The following FBXO25 variants were observed in gnomAD, a reference collection of about 807,000 sequenced individuals.
FBXO25 encodes the protein F-box only protein 25.
FBXO25 carries 45 observed loss-of-function variants against 51.9 expected under a neutral mutation model. The observed-to-expected ratio is 0.87, with a 90% CI of 0.68 to 1.11. The LOEUF is 1.11. FBXO25 is among the 50% of genes most tolerant of loss of function. The pLI is 0.00. For synonymous variants in FBXO25, 199 were observed against 151.0 expected (o/e 1.32, Z -2.33); for missense variants, 507 against 428.5 (o/e 1.18, Z -1.62).
intron 2 of FBXO25, among the ~76,000 whole-genome samples, chr8:416,383 T>A (rs1455111599): frequency 6.6e-6 from 1 of 152,252 alleles, no homozygotes; most frequent in African/African-American, 2.4e-5. Flanking sequence ...GATTTAAAAT[T>A]TTCATCTTCA....
Position 470,606 on chromosome 8 carries a change from T to C in FBXO25, c.*1802T>C, listed in dbSNP as rs1471211633. On this transcript the variant is annotated 3_prime_UTR_variant, in exon 10 of 10. Transcript: ENST00000350302. ...ATGTTGCCCAGGCTGGTCTCAGGAG[T>C]TTGAGCTCAAGCAATCCACCTGCCT... 1 of 151,940 alleles carries C rather than the reference T, an allele frequency of 6.6e-6. No individual in the cohort carries two copies. The highest frequency in any genetic ancestry group is 1.5e-5 in the Non-Finnish European group (1 of 68,050). The allele number at this position is 151,940 out of a possible 1,614,324, so 9.4% of individuals were successfully genotyped here.
chr8:437,250 C>T (rs1798156233), intron 5 of FBXO25, among the ~76,000 whole-genome samples: 1 of 152,178 alleles, frequency 6.6e-6, no homozygotes, highest in Admixed American at 6.5e-5. Flanking sequence ...TTAAAATGTG[C>T]TGTGCACTCA....
At chr8:467,802 C>G in intron 9 of FBXO25, 1 of 1,607,606 alleles carries the variant, frequency 6.2e-7, no homozygotes, top group East Asian at 2.2e-5. Context: ...TTGCATCGTG[C>G]TGCATCTCAT....
intron 5 of FBXO25, among the ~76,000 whole-genome samples, chr8:439,409 C>G (rs184076354): frequency 2.0e-5 from 3 of 152,302 alleles, no homozygotes; most frequent in Admixed American, 6.5e-5. Context: ...CTAAAGTACA[C>G]ACATCTGTAG....
intron 2 of FBXO25, among the ~76,000 whole-genome samples, chr8:430,279 A>G (rs544417679): frequency 3.3e-4 from 51 of 152,362 alleles, no homozygotes; most frequent in African/African-American, 1.1e-3. Context: ...AAATACAAAC[A>G]TCAACACATT....
chr8:473,372 C>G lies in FBXO25; in HGVS notation c.*4568C>G, dbSNP rs1465418277. ...AACGTGGCACCTGCACATGCACCCC[C>G]AGCAGTCCTCTCTAAACTCAGGCAG... On this transcript the variant is annotated 3_prime_UTR_variant, in exon 10 of 10. Transcript: ENST00000350302. 1 of 152,290 alleles carries G rather than the reference C, an allele frequency of 6.6e-6. No individual in the cohort carries two copies. Among genetic ancestry groups the G allele is most frequent in the Non-Finnish European group, 1.5e-5 (1 of 68,120 alleles). 9.4% of individuals were successfully genotyped at this position (152,290 alleles called of 1,614,324 possible).
Position 469,719 on chromosome 8 carries a change from A to C in FBXO25, c.*915A>C, listed in dbSNP as rs1473179426. 1.3e-5 allele frequency: 2 copies of C among 152,216 alleles called. No individual in the cohort carries two copies. Among genetic ancestry groups the C allele is most frequent in the Non-Finnish European group, 2.9e-5 (2 of 68,030 alleles). 9.4% of individuals were successfully genotyped at this position (152,216 alleles called of 1,614,324 possible). On this transcript the variant is annotated 3_prime_UTR_variant, in exon 10 of 10. Coordinates refer to ENST00000350302, the MANE Select transcript of FBXO25 (RefSeq NM_183420.2). ...TCCCACCACCCAAAGATTATTGTGC[A>C]TGCTGAAAAGAGTATGAAAAATCCC...
chr8:428,101 T>C (rs779590545), intron 2 of FBXO25, among the ~76,000 whole-genome samples: 4 of 152,256 alleles, frequency 2.6e-5, no homozygotes, highest in Non-Finnish European at 5.9e-5. Context: ...TTCTTGGCTC[T>C]TGTTTACTTC....
At chr8:463,560 C>T (rs370507016) in intron 9 of FBXO25, among the ~76,000 whole-genome samples, 5 of 152,312 alleles carry the variant, frequency 3.3e-5, no homozygotes, top group Non-Finnish European at 5.9e-5. Flanking sequence ...ATGTCCCCAC[C>T]GACTCTGCAG....
chr8:448,047 A>C (rs1269335403), intron 5 of FBXO25, among the ~76,000 whole-genome samples: 1 of 152,228 alleles, frequency 6.6e-6, no homozygotes, highest in Non-Finnish European at 1.5e-5. Context: ...GAATGAGAAA[A>C]TTAATAAGAA....
At chr8:434,244 A>AG (rs1354971569) in intron 4 of FBXO25, among the ~76,000 whole-genome samples, 1 of 151,908 alleles carries the variant, frequency 6.6e-6, no homozygotes, top group Non-Finnish European at 1.5e-5. Flanking sequence ...ACCGCTTCCG[A>AG]GGTTACATGC....
At chr8:426,056 T>C (rs1797456313) in intron 2 of FBXO25, among the ~76,000 whole-genome samples, 1 of 152,168 alleles carries the variant, frequency 6.6e-6, no homozygotes, top group Non-Finnish European at 1.5e-5. Flanking sequence ...ACACTGGTGG[T>C]TGTTCTTTGT....
intron 1 of FBXO25, among the ~76,000 whole-genome samples, chr8:412,478 A>G (rs55865451): frequency 0.21 from 32,700 of 152,164 alleles, 5,250 homozygotes; most frequent in African/African-American, 0.45. Context: ...CCCTCACCCC[A>G]TACCTTCTCC....
Position 467,889 on chromosome 8 carries a change from T to C in FBXO25, c.988-826T>C, listed in dbSNP as rs1197024679. On this transcript the variant is annotated intron_variant, in intron 9 of 9. Coordinates refer to ENST00000350302, the MANE Select transcript of FBXO25 (RefSeq NM_183420.2). ...GCTTTCTCAGGACCCTGAGCAGGGC[T>C]GAGTGGCCACTTTGATCAAACACCT... The C allele has an allele frequency of 3.3e-6, 5 of 1,525,696 alleles. No individual in the cohort carries two copies. The African/African-American group carries it at 6.9e-5, about 21-fold the overall frequency. 94.5% of individuals were successfully genotyped at this position (1,525,696 alleles called of 1,614,324 possible).
chr8:453,542 G>A lies in FBXO25; in HGVS notation c.660+2089G>A, dbSNP rs967138456. 9.2e-5 allele frequency among the ~76,000 whole-genome samples: 14 copies of A among 152,218 alleles called. No individual in the cohort carries two copies. In the South Asian group the frequency reaches 1.2e-3, roughly 14 times the overall value. Reference sequence around the variant, plus strand: ...TAACTGAGCTGCATTTGTAGATGCCGGACTCAGTCAGCCAAATTGGTCTAA... The same window carrying A: ...TAACTGAGCTGCATTTGTAGATGCCAGACTCAGTCAGCCAAATTGGTCTAA... On this transcript the variant is annotated intron_variant, in intron 7 of 9. Transcript: ENST00000350302.
intron 5 of FBXO25, among the ~76,000 whole-genome samples, chr8:436,556 CA>C (rs1407093392): frequency 1.3e-5 from 2 of 152,160 alleles, no homozygotes; most frequent in Non-Finnish European, 2.9e-5. Flanking sequence ...TGTTGTGCTG[CA>C]TGCTTCACTG....
chr8:443,866 A>G (rs1364487263), intron 5 of FBXO25, among the ~76,000 whole-genome samples: 2 of 152,178 alleles, frequency 1.3e-5, no homozygotes, highest in Admixed American at 6.5e-5. Context: ...TTAAAATTAG[A>G]TAATCAAAGT....
chr8:433,842 A>T (rs1262417783), intron 4 of FBXO25, among the ~76,000 whole-genome samples: 2 of 152,210 alleles, frequency 1.3e-5, no homozygotes, highest in East Asian at 1.9e-4. Context: ...AAGAAAACTT[A>T]ATCTGTTTGG....
At chr8:436,467 C>G (rs571070243) in intron 5 of FBXO25, among the ~76,000 whole-genome samples, 177 of 151,920 alleles carry the variant, frequency 1.2e-3, no homozygotes, top group African/African-American at 4.1e-3. Context: ...TAATTGTAAG[C>G]CTTAGATAAT....
Sources: allele counts gnomAD v4.1 joint callset (sites outside exome capture counted in the v4.1 genomes callset), GRCh38; gene constraint gnomAD v4.1.1; transcripts MANE v1.5; gene names NCBI Gene and HGNC (gene_info 2026-07-23, HGNC 2026-07-21).